The following GSTA2 variants were observed in gnomAD, a reference collection of about 807,000 sequenced individuals.
GSTA2 encodes the protein glutathione S-transferase alpha 2, also known as glutathione S-transferase A2.
Under a neutral mutation model 22.4 loss-of-function variants are expected in GSTA2, and 27 were observed. The observed-to-expected ratio is 1.21, with a 90% CI of 0.89 to 1.67. GSTA2 has a LOEUF of 1.67. Among genes scored for constraint, GSTA2 ranks in the 40% most tolerant of loss-of-function variants. GSTA2 has a pLI of 0.00. For synonymous variants in GSTA2, 121 were observed against 86.8 expected (o/e 1.39, Z -2.19); for missense variants, 302 against 260.2 (o/e 1.16, Z -1.11).
chr6:52,756,373 A>G (rs1762845889), intron 2 of GSTA2, 64 bp from the exon 3 acceptor site: 6 of 1,271,338 alleles, frequency 4.7e-6, no homozygotes, highest in Middle Eastern at 1.9e-4. Flanking sequence ...GTGAAATTGA[A>G]TGGCCTCTAT....
intron 1 of GSTA2, among the ~76,000 whole-genome samples, chr6:52,758,521 C>T (rs980576168): frequency 1.3e-5 from 2 of 152,104 alleles, no homozygotes; most frequent in African/African-American, 4.8e-5. Context: ...TGGGTGAAGG[C>T]CCTGGGAACC....
chr6:52,751,493 ACATG>A, intron 6 of GSTA2, 80 bp downstream of exon 6: 7 of 1,606,684 alleles, frequency 4.4e-6, no homozygotes, highest in Non-Finnish European at 5.1e-6. Flanking sequence ...TGGGGTCAAA[ACATG>A]CTCAGTCCCA....
intron 3 of GSTA2, among the ~76,000 whole-genome samples, chr6:52,755,524 T>C (rs1440048801): frequency 6.6e-6 from 1 of 152,206 alleles, no homozygotes; most frequent in Admixed American, 6.5e-5. Flanking sequence ...ACAATATGTT[T>C]ATAAAGCTTC....
intron 5 of GSTA2, among the ~76,000 whole-genome samples, chr6:52,752,149 A>G (rs1213117189): frequency 6.6e-6 from 1 of 152,070 alleles, no homozygotes; most frequent in African/African-American, 2.4e-5. Flanking sequence ...GAAGGAGACT[A>G]TTTCAGAGTC....
At position 52,752,004 on chromosome 6, in the gene GSTA2, C is replaced by T. The variant is rs372392168; in HGVS notation, c.415-296G>A. On this transcript the variant is annotated intron_variant, in intron 5 of 6. Transcript: ENST00000493422. The stretch of plus-strand genomic sequence containing the variant: ...CATGGGCCAAGGGCTTAGCACCTGC[C>T]GCCGCATGTTCTGTCTGCCCCAGGC... Among the ~76,000 whole-genome samples the T allele has an allele frequency of 6.3e-4, 96 of 152,306 alleles. 1 individual carries two copies. The East Asian group carries it at 0.017, about 26-fold the overall frequency.
chr6:52,755,418 T>C (rs1276696248), intron 3 of GSTA2, among the ~76,000 whole-genome samples: 2 of 152,154 alleles, frequency 1.3e-5, no homozygotes, highest in African/African-American at 4.8e-5. Flanking sequence ...CTCACCATGT[T>C]GGCCAAACTG....
At chr6:52,762,929 G>A (rs2749018) in intron 1 of GSTA2, among the ~76,000 whole-genome samples, 3,830 of 152,282 alleles carry the variant, frequency 0.025, 147 homozygotes, top group African/African-American at 0.085. Flanking sequence ...GTACTCCAGA[G>A]ACAGAATATG....
Position 52,750,185 on chromosome 6 carries a change from A to G in GSTA2, c.*392T>C, listed in dbSNP as rs1276252308. 1 of 164,192 alleles carries G rather than the reference A, an allele frequency of 6.1e-6. No homozygotes were observed. The highest frequency in any genetic ancestry group is 1.3e-5 in the Non-Finnish European group (1 of 75,616). 10.2% of individuals were successfully genotyped at this position (164,192 alleles called of 1,614,324 possible). ...CTTTATGCCATTATCCAGGATGGTA[A>G]CTCTTCTCCTGTGCATACCTGAAAA... On this transcript the variant is annotated 3_prime_UTR_variant, in exon 7 of 7. Coordinates refer to ENST00000493422, the MANE Select transcript of GSTA2 (RefSeq NM_000846.5).
chr6:52,760,413 C>A (rs1489764391), intron 1 of GSTA2, among the ~76,000 whole-genome samples: 1 of 152,144 alleles, frequency 6.6e-6, no homozygotes, highest in African/African-American at 2.4e-5. Context: ...AAAATGAGAA[C>A]CAGAGAGCTC....
rs772076198 is a variant in GSTA2 at position 52,751,592 on chromosome 6, G to T, written c.531C>A (p.Ser177Arg). The change falls in exon 6 of 7, where the codon AGC (serine) becomes AGA (arginine). Residue 177 changes from serine (S) to arginine (R), a missense_variant. Ser to Arg is a moderately radical substitution (Grantham distance 110). Transcript: ENST00000493422. ...VEELDSSLIS[S>R]FPLLKALKTR... ...AATGGGTCACCTTCAGCAGAGGGAA[G>T]CTGGAAATAAGGCTAGAGTCAAGCT... The T allele has an allele frequency of 3.7e-6, 6 of 1,614,084 alleles. No individual in the cohort carries two copies. In the East Asian group the frequency reaches 1.3e-4, roughly 36 times the overall value.
At chr6:52,759,460 C>G (rs183853870) in intron 1 of GSTA2, among the ~76,000 whole-genome samples, 11 of 151,748 alleles carry the variant, frequency 7.2e-5, no homozygotes, top group African/African-American at 2.7e-4. Flanking sequence ...ATCACCAAAC[C>G]CCCAGCTCTG....
chr6:52,756,889 A>G (rs982733524), intron 2 of GSTA2, among the ~76,000 whole-genome samples: 1 of 152,142 alleles, frequency 6.6e-6, no homozygotes, highest in African/African-American at 2.4e-5. Flanking sequence ...TCTCAATTTA[A>G]TAAAGGAATT....
intron 5 of GSTA2, among the ~76,000 whole-genome samples, chr6:52,752,200 C>A (rs2127285002): frequency 6.6e-6 from 1 of 152,334 alleles, no homozygotes; most frequent in South Asian, 2.1e-4. Context: ...CCTGCTCTAT[C>A]TCCCTGAGAT....
chr6:52,751,219 G>A (rs1353246595), intron 6 of GSTA2, among the ~76,000 whole-genome samples: 2 of 152,128 alleles, frequency 1.3e-5, no homozygotes, highest in Non-Finnish European at 2.9e-5. Flanking sequence ...CAGATGGAAA[G>A]GGCTCTGCTC....
In GSTA2 at chr6:52,750,514, C is replaced by T. The variant is rs1370208335; in HGVS notation, c.*63G>A. 10 of 1,556,492 alleles carry T rather than the reference C, an allele frequency of 6.4e-6. No individual in the cohort carries two copies. The highest frequency in any genetic ancestry group is 8.8e-6 in the Non-Finnish European group (10 of 1,133,974). On this transcript the variant is annotated 3_prime_UTR_variant, in exon 7 of 7. Transcript: ENST00000493422. ...GCACAATCAACACTTAGGTAAAGCACTTAATTGTTGCAAAACTTTAGAATA... is the reference window on the plus strand; with the variant it reads ...GCACAATCAACACTTAGGTAAAGCATTTAATTGTTGCAAAACTTTAGAATA...
intron 3 of GSTA2, among the ~76,000 whole-genome samples, 176 bp downstream of exon 3, chr6:52,756,082 G>C (rs1762838250): frequency 6.6e-6 from 1 of 152,060 alleles, no homozygotes; most frequent in Admixed American, 6.6e-5. Context: ...TTTAAGCCTG[G>C]AGAGAGTTGC....
At chr6:52,752,224 G>A (rs1325094276) in intron 5 of GSTA2, among the ~76,000 whole-genome samples, 3 of 152,172 alleles carry the variant, frequency 2.0e-5, no homozygotes, top group Non-Finnish European at 4.4e-5. Context: ...TAGGAAACCT[G>A]GGTGAACCTG....
intron 2 of GSTA2, 91 bp downstream of exon 2, chr6:52,757,770 T>C: frequency 1.9e-6 from 2 of 1,078,750 alleles, no homozygotes; most frequent in Non-Finnish European, 2.9e-6. Flanking sequence ...GCACAATGCT[T>C]CAGTTAGTAA....
At chr6:52,761,868 C>T (rs1178898210) in intron 1 of GSTA2, among the ~76,000 whole-genome samples, 2 of 150,614 alleles carry the variant, frequency 1.3e-5, no homozygotes, top group Non-Finnish European at 2.9e-5. Context: ...GTTACTATGT[C>T]TATGTAGAAA....
Sources: allele counts gnomAD v4.1 joint callset (sites outside exome capture counted in the v4.1 genomes callset), GRCh38; gene constraint gnomAD v4.1.1; transcripts MANE v1.5; gene names NCBI Gene and HGNC (gene_info 2026-07-23, HGNC 2026-07-21).